The following ZNF383 variants were observed in gnomAD, a reference collection of about 807,000 sequenced individuals.
ZNF383 encodes zinc finger protein 383.
A neutral mutation model predicts 44.2 loss-of-function variants in ZNF383; 32 were observed. That is an observed-to-expected ratio of 0.72 (90% CI 0.55 to 0.97). The LOEUF (loss-of-function observed/expected upper bound fraction) is 0.97. Ranked by LOEUF, ZNF383 falls within the 50% of genes least tolerant of loss-of-function variation. The pLI, the probability that ZNF383 is intolerant of heterozygous loss-of-function variation, is 0.00. For synonymous variants in ZNF383, 155 were observed against 186.2 expected (o/e 0.83, Z 1.36); for missense variants, 487 against 562.5 (o/e 0.87, Z 1.36).
chr19:37,220,084 AG>A (rs1972845221), intron 1 of ZNF383, among the ~76,000 whole-genome samples: 1 of 152,228 alleles, frequency 6.6e-6, no homozygotes, highest in African/African-American at 2.4e-5. Flanking sequence ...GAAATAACCC[AG>A]TAATATTTTG....
intron 1 of ZNF383, among the ~76,000 whole-genome samples, chr19:37,223,633 A>G (rs1169219057): frequency 6.6e-6 from 1 of 152,212 alleles, no homozygotes; most frequent in African/African-American, 2.4e-5. Flanking sequence ...TGTGATAGAT[A>G]TTTAAAATAT....
chr19:37,229,297 G>T (rs1389255309), intron 2 of ZNF383, among the ~76,000 whole-genome samples: 1 of 149,160 alleles, frequency 6.7e-6, no homozygotes, highest in Non-Finnish European at 1.5e-5. Context: ...TAAGATTACG[G>T]GCATGTGTCA....
At chr19:37,229,716 GTA>G (rs1430907070) in intron 2 of ZNF383, among the ~76,000 whole-genome samples, 26 of 142,772 alleles carry the variant, frequency 1.8e-4, no homozygotes, top group African/African-American at 2.8e-4. Flanking sequence ...ATATGTGTGT[GTA>G]TATATATGTA....
At chr19:37,229,806 T>A (rs201581366) in intron 2 of ZNF383, among the ~76,000 whole-genome samples, 16,072 of 129,528 alleles carry the variant, frequency 0.12, 973 homozygotes, top group Admixed American at 0.14. Flanking sequence ...ATATATATTT[T>A]TTTTTTTTTT....
intron 2 of ZNF383, chr19:37,226,590 T>C (rs1385216852): frequency 6.6e-6 from 1 of 152,222 alleles, no homozygotes; most frequent in Non-Finnish European, 1.5e-5. Flanking sequence ...TCTTTTTGAA[T>C]TGGCTTCTTT....
intron 5 of ZNF383, among the ~76,000 whole-genome samples, chr19:37,237,766 C>T (rs1973887872): frequency 1.3e-5 from 2 of 152,132 alleles, no homozygotes; most frequent in African/African-American, 2.4e-5. Context: ...CCAACTCCTT[C>T]CATCAAGCCC....
At chr19:37,238,285 A>C (rs1384965185) in intron 5 of ZNF383, among the ~76,000 whole-genome samples, 2 of 151,492 alleles carry the variant, frequency 1.3e-5, no homozygotes, top group Non-Finnish European at 2.9e-5. Flanking sequence ...GCATGACATT[A>C]ATATTATATG....
At chr19:37,221,216 A>G (rs1396762078) in intron 1 of ZNF383, among the ~76,000 whole-genome samples, 2 of 152,188 alleles carry the variant, frequency 1.3e-5, no homozygotes, top group East Asian at 3.8e-4. Context: ...ATTCTAACAC[A>G]TGGTCATTTG....
Position 37,230,427 on chromosome 19 carries a change from GACTAACCATCTGCAAT to G in ZNF383, c.-22_-7del. On this transcript the variant is annotated 5_prime_UTR_variant, in exon 3 of 6. Transcript: ENST00000684119. ...TTTTCAGGAGAACGGCCTCAAGGAA[GACTAACCATCTGCAAT>G]ACTAGAAGCCATGGCTGAGGTGAGT... 2 of 1,612,396 alleles carry G rather than the reference GACTAACCATCTGCAAT, an allele frequency of 1.2e-6. No homozygotes were observed. The highest frequency in any genetic ancestry group is 2.2e-5 in the South Asian group (2 of 90,876).
intron 1 of ZNF383, among the ~76,000 whole-genome samples, chr19:37,220,411 C>T (rs1420554802): frequency 6.6e-6 from 1 of 152,056 alleles, no homozygotes; most frequent in African/African-American, 2.4e-5. Context: ...ATTACAGGCA[C>T]CTGCCATCAT....
intron 2 of ZNF383, among the ~76,000 whole-genome samples, chr19:37,228,860 G>T (rs1277069900): frequency 6.6e-6 from 1 of 151,932 alleles, no homozygotes; most frequent in African/African-American, 2.4e-5. Context: ...ATTATTGTAT[G>T]TAAAAAAAAA....
At chr19:37,220,568 T>TG (rs1160931107) in intron 1 of ZNF383, among the ~76,000 whole-genome samples, 6 of 122,332 alleles carry the variant, frequency 4.9e-5, no homozygotes, top group Admixed American at 2.3e-4. Context: ...TGTTTTTTTT[T>TG]TTGTTGTTGT....
intron 1 of ZNF383, among the ~76,000 whole-genome samples, chr19:37,223,991 G>A (rs989503035): frequency 4.6e-5 from 7 of 151,818 alleles, no homozygotes; most frequent in African/African-American, 1.2e-4. Flanking sequence ...CCAAGATCGC[G>A]CCACTGCACT....
chr19:37,222,898 T>C (rs1197196550), intron 1 of ZNF383, among the ~76,000 whole-genome samples: 1 of 152,208 alleles, frequency 6.6e-6, no homozygotes, highest in Non-Finnish European at 1.5e-5. Context: ...GAAATAGTGG[T>C]ATCAATCTAT....
chr19:37,222,668 G>A (rs1459846942), intron 1 of ZNF383, among the ~76,000 whole-genome samples: 1 of 152,170 alleles, frequency 6.6e-6, no homozygotes, highest in African/African-American at 2.4e-5. Flanking sequence ...GTGAGCCACC[G>A]TGCCCGGCCG....
intron 5 of ZNF383, among the ~76,000 whole-genome samples, chr19:37,237,768 A>T (rs1199151752): frequency 6.6e-6 from 1 of 152,060 alleles, no homozygotes; most frequent in Non-Finnish European, 1.5e-5. Flanking sequence ...AACTCCTTCC[A>T]TCAAGCCCCT....
At chr19:37,235,527 A>G in intron 3 of ZNF383, 22 bp from the exon 4 acceptor site, 1 of 1,613,600 alleles carries the variant, frequency 6.2e-7, no homozygotes, top group Non-Finnish European at 8.5e-7. Context: ...TACACAAGTA[A>G]TACGTATGTT....
chr19:37,243,659 AAAT>A lies in ZNF383; in HGVS notation c.*1_*3del. 6.7e-7 allele frequency: 1 copy of A among 1,499,778 alleles called. No individual in the cohort carries two copies. 92.9% of individuals were successfully genotyped at this position (1,499,778 alleles called of 1,614,324 possible). A position where few individuals can be genotyped will look rare whatever the true frequency, so the allele number is the denominator to read the frequency against. On this transcript the variant is annotated stop_lost and inframe_deletion, in exon 6 of 6. Transcript: ENST00000684119. ...TCGTCATCAGGGAATTCATACTAAT[AAAT>A]AATAAAAATTAAAGCCCCTGTCACC...
chr19:37,248,495 A>T lies in ZNF383; in HGVS notation c.*4831A>T, dbSNP rs1974444278. ...TTCTACTTTCTGAAACTTGAAAATC[A>T]AATTGATTTAGATAAGATTGTATTT... On this transcript the variant is annotated 3_prime_UTR_variant, in exon 6 of 6. Coordinates refer to ENST00000684119, the MANE Select transcript of ZNF383 (RefSeq NM_001387601.1). 6.6e-6 allele frequency: 1 copy of T among 152,206 alleles called. No homozygotes were observed. The highest frequency in any genetic ancestry group is 6.5e-5 in the Admixed American group (1 of 15,276). The allele number at this position is 152,206 out of a possible 1,614,324, so 9.4% of individuals were successfully genotyped here.
Sources: gnomAD v4.1 joint callset for allele counts (sites outside exome capture counted in the v4.1 genomes callset) on GRCh38, gnomAD v4.1.1 for gene constraint, MANE v1.5 for transcripts, NCBI Gene and HGNC (gene_info 2026-07-23, HGNC 2026-07-21) for gene names.